The following PPP4R1 variants were observed in gnomAD, a reference collection of about 807,000 sequenced individuals.
The protein encoded by PPP4R1 is serine/threonine-protein phosphatase 4 regulatory subunit 1.
PPP4R1 carries 42 observed loss-of-function variants against 111.2 expected under a neutral mutation model. The ratio of observed to expected loss-of-function variants is 0.38; its 90% CI spans 0.29 to 0.49. The LOEUF (loss-of-function observed/expected upper bound fraction) is 0.49, where lower values mean the gene tolerates loss of function less well. Ranked by LOEUF, PPP4R1 falls within the 20% of genes least tolerant of loss-of-function variation. The probability of loss-of-function intolerance (pLI) is 0.97; values close to 1 mark genes in which losing one functional copy is unlikely to be tolerated. For missense variants in PPP4R1, 1,012 were observed against 1,161.6 expected, an observed-to-expected ratio of 0.87 and a Z score of 1.87; for synonymous variants, 409 against 405.5, an observed-to-expected ratio of 1.01 and a Z score of -0.10.
At chr18:9,572,019 G>A (rs1251916887) in intron 10 of PPP4R1, among the ~76,000 whole-genome samples, 1 of 152,216 alleles carries the variant, frequency 6.6e-6, no homozygotes, top group African/African-American at 2.4e-5. Context: ...GTGTCTCCAG[G>A]ACTACAGAAG....
Position 9,559,308 on chromosome 18 carries a change from A to G in PPP4R1, c.2028+111T>C, listed in dbSNP as rs547651825. On this transcript the variant is annotated intron_variant, in intron 14 of 19. Coordinates refer to ENST00000400556, the MANE Select transcript of PPP4R1 (RefSeq NM_001042388.3). ...TAAGCTCTTCCATACATAATTTCCT[A>G]TAACACTAAGAACATGCTAGAACAT... The G allele has an allele frequency of 6.7e-5, 73 of 1,088,734 alleles. No individual in the cohort carries two copies. In the South Asian group the frequency reaches 1.6e-3, roughly 23 times the overall value. The allele number at this position is 1,088,734 out of a possible 1,614,324, so 67.4% of individuals were successfully genotyped here. A position where few individuals can be genotyped will look rare whatever the true frequency, so the allele number is the denominator to read the frequency against.
At chr18:9,571,925 G>T (rs1420709357) in intron 10 of PPP4R1, among the ~76,000 whole-genome samples, 4 of 152,186 alleles carry the variant, frequency 2.6e-5, no homozygotes, top group African/African-American at 9.7e-5. Flanking sequence ...TCTGGAGGAA[G>T]TGTAGAAAAT....
At chr18:9,561,654 G>A (rs1393949137) in intron 13 of PPP4R1, among the ~76,000 whole-genome samples, 1 of 152,116 alleles carries the variant, frequency 6.6e-6, no homozygotes, top group Non-Finnish European at 1.5e-5. Context: ...AAATACCTAG[G>A]TAGGATGGGA....
In PPP4R1 at chr18:9,547,748, G is replaced by T. The variant is rs763463482; in HGVS notation, c.*41C>A. The stretch of plus-strand genomic sequence containing the variant: ...GCGTGGCGAATGCCCACTGAACCTC[G>T]GCTCTCATGGAAGCAGGAAAGACAC... On this transcript the variant is annotated 3_prime_UTR_variant, in exon 20 of 20. Coordinates refer to ENST00000400556, the MANE Select transcript of PPP4R1 (RefSeq NM_001042388.3). The T allele has an allele frequency of 2.5e-6, 4 of 1,605,888 alleles. No homozygotes were observed. Among genetic ancestry groups the T allele is most frequent in the African/African-American group, 2.7e-5 (2 of 74,844 alleles).
chr18:9,598,677 A>T (rs560254073), intron 2 of PPP4R1, among the ~76,000 whole-genome samples: 3 of 152,280 alleles, frequency 2.0e-5, no homozygotes, highest in African/African-American at 7.2e-5. Flanking sequence ...GCAAAAGGAA[A>T]ATTACACCAG....
chr18:9,578,785 T>C (rs189729689), intron 9 of PPP4R1, among the ~76,000 whole-genome samples: 2 of 152,166 alleles, frequency 1.3e-5, no homozygotes, highest in African/African-American at 4.8e-5. Context: ...AGGGTTTTTC[T>C]CCCCTTCGTA....
chr18:9,562,140 AC>A (rs2145054745), intron 12 of PPP4R1, 65 bp from the exon 13 acceptor site: 2 of 1,240,672 alleles, frequency 1.6e-6, no homozygotes, highest in South Asian at 2.5e-5. Flanking sequence ...AAGCTATCTT[AC>A]TAAGTTACTT....
chr18:9,595,375 T>C (rs1043801662), intron 2 of PPP4R1, among the ~76,000 whole-genome samples: 1 of 152,146 alleles, frequency 6.6e-6, no homozygotes, highest in Non-Finnish European at 1.5e-5. Flanking sequence ...TCTACTTGGC[T>C]CTAAAAGCAC....
intron 2 of PPP4R1, among the ~76,000 whole-genome samples, chr18:9,600,691 C>A (rs2067366472): frequency 6.6e-6 from 1 of 151,950 alleles, no homozygotes; most frequent in Middle Eastern, 3.2e-3. Context: ...CCAGCCTGGG[C>A]AACATGGTGA....
At chr18:9,552,051 G>C (rs1011132810) in intron 16 of PPP4R1, 1 of 152,194 alleles carries the variant, frequency 6.6e-6, no homozygotes, top group Non-Finnish European at 1.5e-5. Flanking sequence ...GTCAGAAGTG[G>C]GCAAGCCAGA....
At position 9,570,574 on chromosome 18, in the gene PPP4R1, G is replaced by T; in HGVS notation, c.1156C>A (p.His386Asn). 6.2e-7 allele frequency: 1 copy of T among 1,614,126 alleles called. No individual in the cohort carries two copies. The highest frequency in any genetic ancestry group is 8.5e-7 in the Non-Finnish European group (1 of 1,180,020). ...SVILENTMED[H>N]AAEASGKPLG... ...GGCTTCCCGGATGCCTCAGCAGCATGGTCTTCCATCGTGTTTTCCAGTATG... is the reference window on the plus strand; with the variant it reads ...GGCTTCCCGGATGCCTCAGCAGCATTGTCTTCCATCGTGTTTTCCAGTATG... Residue 386 changes from histidine to asparagine, a missense_variant, in exon 11 of 20, where the codon CAT (histidine) becomes AAT (asparagine). This residue lies in a region of PPP4R1 where 707 missense variants were observed against 742.1 expected (regional missense o/e 0.95). Coordinates refer to ENST00000400556, the MANE Select transcript of PPP4R1 (RefSeq NM_001042388.3).
At chr18:9,580,601 C>T (rs530518871) in intron 9 of PPP4R1, among the ~76,000 whole-genome samples, 7 of 152,242 alleles carry the variant, frequency 4.6e-5, no homozygotes, top group South Asian at 4.1e-4. Context: ...CCACCCGTCT[C>T]GGCCTCCCAA....
rs1388236697 is a variant in PPP4R1 at position 9,559,527 on chromosome 18, T to A, written c.1920A>T (p.Glu640Asp). ...GGCTATATGCACAGTGCTTAGCAAT[T>A]TCAGTGTCAACCGTCTGTGCACGAG... is the stretch of plus-strand genomic sequence containing the variant. ...DPSRAQTVDTEIAKHCAYSLP... is the reference protein window; with the variant it reads ...DPSRAQTVDTDIAKHCAYSLP... Residue 640 changes from glutamate to aspartate, a missense_variant, in exon 14 of 20, where the codon GAA becomes GAT. By Grantham distance (45) the Glu-to-Asp change is conservative. Coordinates refer to ENST00000400556, the MANE Select transcript of PPP4R1 (RefSeq NM_001042388.3). The A allele has an allele frequency of 1.2e-6, 2 of 1,613,634 alleles. No homozygotes were observed. Among genetic ancestry groups the A allele is most frequent in the Non-Finnish European group, 1.7e-6 (2 of 1,179,776 alleles).
At chr18:9,563,171 G>T in intron 12 of PPP4R1, 1 of 1,235,922 alleles carries the variant, frequency 8.1e-7, no homozygotes, top group Non-Finnish European at 1.0e-6. Flanking sequence ...ACAGAAGTGG[G>T]ATTTACTTTT....
In PPP4R1 at chr18:9,563,394, A is replaced by T. The variant is rs752915853; in HGVS notation, c.1730T>A (p.Ile577Asn). Residue 577 changes from isoleucine (I) to asparagine (N), a missense_variant, in exon 12 of 20, where the codon ATC becomes AAC. Physicochemically the swap from Ile to Asn is moderately radical, Grantham distance 149. This residue lies in a region of PPP4R1 where 707 missense variants were observed against 742.1 expected (regional missense o/e 0.95). Transcript: ENST00000400556. ...KINQEDSVPL[I>N]SDAVENMDST... ...GTTTGTTACCTCAACAGCATCGCTG[A>T]TTAAAGGCACAGAATCTTCTTGATT... is the stretch of plus-strand genomic sequence containing the variant. The T allele has an allele frequency of 2.7e-5, 43 of 1,612,270 alleles. No individual in the cohort carries two copies. Among genetic ancestry groups the T allele is most frequent in the Non-Finnish European group, 3.4e-5 (40 of 1,179,258 alleles).
Position 9,614,464 on chromosome 18 carries a change from A to AG in PPP4R1, c.7+13dup. 1.9e-6 allele frequency: 2 copies of AG among 1,029,032 alleles called. No homozygotes were observed. The highest frequency in any genetic ancestry group is 2.3e-6 in the Non-Finnish European group (2 of 859,590). The allele number at this position is 1,029,032 out of a possible 1,614,324, so 63.7% of individuals were successfully genotyped here. A position where few individuals can be genotyped will look rare whatever the true frequency, so the allele number is the denominator to read the frequency against. On this transcript the variant is annotated intron_variant, in intron 1 of 19. Coordinates refer to ENST00000400556, the MANE Select transcript of PPP4R1 (RefSeq NM_001042388.3). This position sits in a 1 kb window ranked among gnomAD's most constrained non-coding sequence, Gnocchi z 4.1. Reference sequence around the variant, plus strand: ...GAGGAGCCGCCGCCGCCCGGAGAACAGGGGGCCACGTACCCGCCATCTTGT... The same window carrying AG: ...GAGGAGCCGCCGCCGCCCGGAGAACAGGGGGGCCACGTACCCGCCATCTTGT...
intron 9 of PPP4R1, among the ~76,000 whole-genome samples, chr18:9,582,667 C>T (rs1483969004): frequency 3.3e-5 from 5 of 152,196 alleles, no homozygotes; most frequent in Admixed American, 3.3e-4. Flanking sequence ...CATTTCCTAA[C>T]TCATTTTATG....
chr18:9,598,033 A>G (rs942053571), intron 2 of PPP4R1, among the ~76,000 whole-genome samples: 4 of 152,220 alleles, frequency 2.6e-5, no homozygotes, highest in Admixed American at 6.5e-5. Context: ...TGAAAAAAAG[A>G]TATGAAAAAT....
At chr18:9,564,708 G>C (rs1367088152) in intron 11 of PPP4R1, among the ~76,000 whole-genome samples, 1 of 50,210 alleles carries the variant, frequency 2.0e-5, no homozygotes, top group Admixed American at 1.8e-4. Flanking sequence ...GTGTGTGTGT[G>C]TGTGTGTGTG....
Sources: allele counts gnomAD v4.1 joint callset (sites outside exome capture counted in the v4.1 genomes callset), GRCh38; gene constraint gnomAD v4.1.1; regional missense constraint gnomAD v4.1.1; non-coding constraint Gnocchi (gnomAD v3.1); transcripts MANE v1.5; gene names NCBI Gene and HGNC (gene_info 2026-07-23, HGNC 2026-07-21).